Variants in CSMD1 observed in about 807,000 individuals in gnomAD.
CSMD1 encodes CUB and sushi domain-containing protein 1.
CSMD1 carries 213 observed loss-of-function variants against 417.5 expected under a neutral mutation model. That is an observed-to-expected ratio of 0.51 (90% CI 0.46 to 0.57). The LOEUF (loss-of-function observed/expected upper bound fraction) is 0.57. Ranked by LOEUF, CSMD1 falls within the 20% of genes least tolerant of loss-of-function variation. CSMD1 has a pLI of 0.00. For missense variants in CSMD1, 6,923 were observed against 4,529.7 expected, an observed-to-expected ratio of 1.53 and a Z score of -15.17; for synonymous variants, 2,862 against 1,736.8, an observed-to-expected ratio of 1.65 and a Z score of -16.11.
chr8:4,267,732 T>C (rs1275439331), intron 3 of CSMD1, among the ~76,000 whole-genome samples: 1 of 152,146 alleles, frequency 6.6e-6, no homozygotes, highest in East Asian at 1.9e-4. Context: ...TCTGAAGATA[T>C]TCCAAATTGT....
intron 2 of CSMD1, among the ~76,000 whole-genome samples, chr8:4,464,811 T>C (rs1413070697): frequency 1.3e-5 from 2 of 152,098 alleles, no homozygotes; most frequent in African/African-American, 2.4e-5. Flanking sequence ...ACTGATTCTC[T>C]TTGAAGTTTT....
intron 12 of CSMD1, among the ~76,000 whole-genome samples, chr8:3,423,022 T>A (rs1052926019): frequency 1.5e-4 from 23 of 152,222 alleles, no homozygotes; most frequent in Non-Finnish European, 7.3e-5. Flanking sequence ...AGGAGACACC[T>A]TCAAACACCA....
chr8:4,336,017 C>T (rs963527354), intron 3 of CSMD1, among the ~76,000 whole-genome samples: 1 of 152,160 alleles, frequency 6.6e-6, no homozygotes. Flanking sequence ...AGATTTGGTA[C>T]ACTTACTTCT....
chr8:4,705,456 T>C (rs1042790537), intron 1 of CSMD1, among the ~76,000 whole-genome samples: 9 of 152,130 alleles, frequency 5.9e-5, no homozygotes, highest in African/African-American at 9.7e-5. Flanking sequence ...AAAAGTGTGC[T>C]CACATAGTCT....
At chr8:3,488,573 T>G (rs565694658) in intron 11 of CSMD1, among the ~76,000 whole-genome samples, 1 of 152,356 alleles carries the variant, frequency 6.6e-6, no homozygotes, top group Admixed American at 6.5e-5. Flanking sequence ...ATATGAAATG[T>G]ATATCAGTAG....
intron 2 of CSMD1, among the ~76,000 whole-genome samples, chr8:4,584,469 T>C (rs1208852854): frequency 6.6e-6 from 1 of 152,098 alleles, no homozygotes; most frequent in Non-Finnish European, 1.5e-5. Context: ...GCCGCCGGAC[T>C]AAAGAAACGG....
chr8:3,199,701 G>A lies in CSMD1; in HGVS notation c.5194+13C>T, dbSNP rs903339872. The A allele has an allele frequency of 6.4e-7, 1 of 1,555,894 alleles. No homozygotes were observed. The highest frequency in any genetic ancestry group is 1.4e-5 in the African/African-American group (1 of 73,888). ...CCACAGTGACATGTGGAGACATGTGGAGTGACGCTTACCTTGATACACGAA... is the reference window on the plus strand; with the variant it reads ...CCACAGTGACATGTGGAGACATGTGAAGTGACGCTTACCTTGATACACGAA... On this transcript the variant is annotated intron_variant, in intron 33 of 69. Coordinates refer to ENST00000635120, the MANE Select transcript of CSMD1 (RefSeq NM_033225.6).
intron 3 of CSMD1, among the ~76,000 whole-genome samples, chr8:4,404,978 G>A (rs959654187): frequency 6.6e-6 from 1 of 152,196 alleles, no homozygotes. Context: ...GGCACAAGAG[G>A]ATTAGTCATT....
At chr8:3,530,598 A>T (rs2117505833) in intron 10 of CSMD1, among the ~76,000 whole-genome samples, 1 of 152,244 alleles carries the variant, frequency 6.6e-6, no homozygotes, top group African/African-American at 2.4e-5. Flanking sequence ...CTAGGCTCAC[A>T]GCAACCTCTG....
chr8:3,575,433 T>C (rs2116942938), intron 9 of CSMD1, among the ~76,000 whole-genome samples: 1 of 152,252 alleles, frequency 6.6e-6, no homozygotes, highest in East Asian at 1.9e-4. Context: ...AGAGTCTCCA[T>C]ACACACCTAA....
chr8:3,629,559 T>G (rs1223294943), intron 7 of CSMD1, among the ~76,000 whole-genome samples: 1 of 152,178 alleles, frequency 6.6e-6, no homozygotes, highest in Non-Finnish European at 1.5e-5. Flanking sequence ...TGTAAACAGT[T>G]TAGACTAAAT....
intron 12 of CSMD1, among the ~76,000 whole-genome samples, chr8:3,449,120 C>A (rs916574687): frequency 6.6e-6 from 1 of 152,174 alleles, no homozygotes; most frequent in Non-Finnish European, 1.5e-5. Flanking sequence ...AAGCAACATG[C>A]AAAGCACTTG....
At chr8:4,754,690 A>AT (rs1256526098) in intron 1 of CSMD1, among the ~76,000 whole-genome samples, 10 of 152,090 alleles carry the variant, frequency 6.6e-5, no homozygotes, top group African/African-American at 2.4e-4. Context: ...TCTACTAAAA[A>AT]TACAATAATT....
chr8:4,672,434 G>A (rs1446184617), intron 1 of CSMD1, among the ~76,000 whole-genome samples: 1 of 152,100 alleles, frequency 6.6e-6, no homozygotes, highest in African/African-American at 2.4e-5. Flanking sequence ...TGTAGTGTAT[G>A]TAAAATAACC....
intron 2 of CSMD1, among the ~76,000 whole-genome samples, chr8:4,469,419 C>T (rs1249244563): frequency 6.6e-6 from 1 of 152,204 alleles, no homozygotes. Context: ...TTTCAGATTA[C>T]AAGTATCATC....
chr8:4,514,539 C>T (rs1251318651), intron 2 of CSMD1, among the ~76,000 whole-genome samples: 1 of 152,172 alleles, frequency 6.6e-6, no homozygotes, highest in Non-Finnish European at 1.5e-5. Flanking sequence ...GAACTCAAAA[C>T]AACTGACGCT....
chr8:4,784,298 G>C (rs1797296397), intron 1 of CSMD1, among the ~76,000 whole-genome samples: 1 of 152,160 alleles, frequency 6.6e-6, no homozygotes, highest in Non-Finnish European at 1.5e-5. Context: ...CTAAAGATTT[G>C]GCTCCCAACT....
At chr8:4,370,972 G>C (rs140367300) in intron 3 of CSMD1, among the ~76,000 whole-genome samples, 23 of 152,306 alleles carry the variant, frequency 1.5e-4, no homozygotes, top group African/African-American at 5.3e-4. Context: ...GAGCTAGTGT[G>C]ATTGTTTGGA....
intron 11 of CSMD1, among the ~76,000 whole-genome samples, chr8:3,473,100 C>T (rs1366687926): frequency 3.3e-5 from 5 of 152,142 alleles, no homozygotes. Flanking sequence ...AAAATTCTTA[C>T]ACATTGAAAA....
Sources: gnomAD v4.1 joint callset for allele counts (sites outside exome capture counted in the v4.1 genomes callset) on GRCh38, gnomAD v4.1.1 for gene constraint, MANE v1.5 for transcripts, NCBI Gene and HGNC (gene_info 2026-07-23, HGNC 2026-07-21) for gene names.